The following CCNB3 variants were observed in gnomAD, a reference collection of about 807,000 sequenced individuals.
CCNB3 encodes G2/mitotic-specific cyclin-B3.
A neutral mutation model predicts 68.0 loss-of-function variants in CCNB3; 12 were observed. The ratio of observed to expected loss-of-function variants is 0.18; its 90% CI spans 0.11 to 0.29. The LOEUF is 0.29. CCNB3 is among the 10% of genes least tolerant of loss of function. The pLI is 1.00. For missense variants in CCNB3, 904 were observed against 993.1 expected (o/e 0.91, Z 1.21); for synonymous variants, 354 against 388.9 (o/e 0.91, Z 1.06).
At chrX:50,226,434 AAAATATATATAGAATATATAT>A (rs1410195953) in intron 1 of CCNB3, among the ~76,000 whole-genome samples, 594 of 24,862 alleles carry the variant, frequency 0.024, 2 homozygotes, top group Non-Finnish European at 0.031. Context: ...AGAATATATA[AAAATATATATAGAATATATAT>A]AAATATATAT....
chrX:50,225,776 T>A (rs1249487988), intron 1 of CCNB3, among the ~76,000 whole-genome samples: 1 of 107,405 alleles, frequency 9.3e-6, no homozygotes, highest in Admixed American at 1.0e-4. Flanking sequence ...AACGATCAGG[T>A]TTGGGGAGGG....
chrX:50,304,742 T>C (rs1173340667), intron 5 of CCNB3, among the ~76,000 whole-genome samples: 1 of 111,603 alleles, frequency 9.0e-6, no homozygotes, highest in South Asian at 3.8e-4. Flanking sequence ...AGAAAATTTT[T>C]GCAATCTACT....
chrX:50,332,736 G>A (rs1922658691), intron 8 of CCNB3, among the ~76,000 whole-genome samples: 1 of 111,614 alleles, frequency 9.0e-6, no homozygotes, highest in Non-Finnish European at 1.9e-5. Flanking sequence ...CACTGTGGCC[G>A]CAAAGGGGCT....
Position 50,288,975 on chromosome X carries a change from C to G in CCNB3, c.204+88C>G. 2 of 577,571 alleles carry G rather than the reference C, an allele frequency of 3.5e-6. 1 individual carries two copies. The allele number at this position is 577,571 out of a possible 1,213,427, so 47.6% of individuals were successfully genotyped here. Reference sequence around the variant, plus strand: ...GAGGGACCTTTCCACTTTACCAGACCCTCTCTGGAATCTTGACAGCAAATT... The same window carrying G: ...GAGGGACCTTTCCACTTTACCAGACGCTCTCTGGAATCTTGACAGCAAATT... On this transcript the variant is annotated intron_variant, in intron 4 of 12. Transcript: ENST00000376042.
chrX:50,346,631 T>G (rs190873384), intron 9 of CCNB3, 21 bp from the exon 10 acceptor site: 1 of 1,196,115 alleles, frequency 8.4e-7, no homozygotes, highest in Admixed American at 2.2e-5. Flanking sequence ...GGTTGTCACC[T>G]CCTCTCCTCT....
rs1557215023 is a variant in CCNB3, at chrX:50,311,507, C to A, written c.3327+11C>A. The A allele has an allele frequency of 1.4e-5, 16 of 1,119,198 alleles. No individual in the cohort carries two copies. The highest frequency in any genetic ancestry group is 1.8e-5 in the African/African-American group (1 of 55,385). The allele number at this position is 1,119,198 out of a possible 1,213,427, so 92.2% of individuals were successfully genotyped here. On this transcript the variant is annotated intron_variant, in intron 6 of 12. Coordinates refer to ENST00000376042, the MANE Select transcript of CCNB3 (RefSeq NM_033031.3). ...GGAACACCAAAGGAGGTATTCATCT[C>A]CCTTTCTTCTTAAATTAGATAAATT...
chrX:50,279,757 A>AAT lies in CCNB3; in HGVS notation c.-112-4778_-112-4777dup, dbSNP rs1198773173. Among the ~76,000 whole-genome samples, 582 of 89,169 alleles carry AAT rather than the reference A, an allele frequency of 6.5e-3. 5 individuals are homozygous for AAT. The highest frequency in any genetic ancestry group is 0.023 in the African/African-American group (568 of 24,289). 77.4% of individuals were successfully genotyped at this position (89,169 alleles called of 115,157 possible). On this transcript the variant is annotated intron_variant, in intron 1 of 12. Coordinates refer to ENST00000376042, the MANE Select transcript of CCNB3 (RefSeq NM_033031.3). ...ATGATTATGTATATTCATATATGTA[A>AAT]ATATATATGAATATGTATATTCATA...
chrX:50,332,389 A>G (rs1380072509), intron 8 of CCNB3, among the ~76,000 whole-genome samples: 1 of 111,812 alleles, frequency 8.9e-6, no homozygotes, highest in African/African-American at 3.3e-5. Context: ...TAGAACAGAA[A>G]GATTGTTTTA....
At position 50,207,412 on chromosome X, in the gene CCNB3, A is replaced by G. The variant is rs782262029; in HGVS notation, c.-113+2462A>G. 2.7e-5 allele frequency among the ~76,000 whole-genome samples: 3 copies of G among 112,283 alleles called. No homozygotes were observed. The South Asian group carries it at 1.1e-3, about 42-fold the overall frequency. On this transcript the variant is annotated intron_variant, in intron 1 of 12. Coordinates refer to ENST00000376042, the MANE Select transcript of CCNB3 (RefSeq NM_033031.3). The stretch of plus-strand genomic sequence containing the variant: ...TTCATTATGAGCTTTATCTTTCCAA[A>G]AACAGGACTTCTTGAAGAGAATGAC...
chrX:50,301,031 C>T (rs781997531), intron 5 of CCNB3, among the ~76,000 whole-genome samples: 117 of 110,647 alleles, frequency 1.1e-3, no homozygotes, highest in African/African-American at 3.7e-3. Flanking sequence ...GTTAGCCATT[C>T]GTCTATTTTT....
At chrX:50,306,009 A>G (rs1380617298) in intron 5 of CCNB3, among the ~76,000 whole-genome samples, 1 of 102,881 alleles carries the variant, frequency 9.7e-6, no homozygotes, top group Non-Finnish European at 2.0e-5. Flanking sequence ...CTGGTCTCGA[A>G]CTCCTGACCT....
At chrX:50,322,323 A>G (rs1557216672) in intron 8 of CCNB3, among the ~76,000 whole-genome samples, 1 of 111,201 alleles carries the variant, frequency 9.0e-6, no homozygotes, top group Admixed American at 9.6e-5. Context: ...CAATGGGGAA[A>G]GGATTCCCTA....
intron 4 of CCNB3, among the ~76,000 whole-genome samples, chrX:50,293,476 C>A (rs180759100): frequency 8.1e-5 from 9 of 110,968 alleles, no homozygotes; most frequent in Admixed American, 3.9e-4. Context: ...TATTTGAGAT[C>A]TTTCTAGCTT....
intron 1 of CCNB3, among the ~76,000 whole-genome samples, chrX:50,213,511 A>G (rs1453735976): frequency 1.8e-5 from 2 of 111,441 alleles, no homozygotes; most frequent in Non-Finnish European, 3.8e-5. Flanking sequence ...CATCACTGTA[A>G]AAGTGTTCTC....
rs1409129718 is a variant in CCNB3, at chrX:50,280,008, T to A, written c.-112-4534T>A. On this transcript the variant is annotated intron_variant, in intron 1 of 12. Transcript: ENST00000376042. ...AATATATGAATATATACATAGAATA[T>A]ATAAATATATAGAATATATATAAAT... Among the ~76,000 whole-genome samples, 170 of 84,322 alleles carry A rather than the reference T, an allele frequency of 2.0e-3. 1 individual carries two copies. The highest frequency in any genetic ancestry group is 3.3e-3 in the Non-Finnish European group (157 of 47,130). 73.2% of individuals were successfully genotyped at this position (84,322 alleles called of 115,157 possible). A position where few individuals can be genotyped will look rare whatever the true frequency, so the allele number is the denominator to read the frequency against.
At chrX:50,346,374 C>G (rs782493358) in intron 9 of CCNB3, among the ~76,000 whole-genome samples, 35 of 112,053 alleles carry the variant, frequency 3.1e-4, no homozygotes, top group Admixed American at 1.0e-3. Flanking sequence ...CCTGTGCCCC[C>G]ATTATGTTGC....
At chrX:50,305,865 C>T (rs1921041738) in intron 5 of CCNB3, among the ~76,000 whole-genome samples, 1 of 99,892 alleles carries the variant, frequency 1.0e-5, no homozygotes, top group Non-Finnish European at 2.0e-5. Flanking sequence ...TAACCTCCAC[C>T]TCCCAGGTTC....
At chrX:50,215,670 T>A (rs1027603200) in intron 1 of CCNB3, among the ~76,000 whole-genome samples, 4 of 111,065 alleles carry the variant, frequency 3.6e-5, no homozygotes, top group African/African-American at 1.3e-4. Flanking sequence ...CTTCGTGTAT[T>A]TTGCAGATCT....
chrX:50,292,240 TC>T (rs1205101451), intron 4 of CCNB3, among the ~76,000 whole-genome samples: 1 of 111,094 alleles, frequency 9.0e-6, no homozygotes, highest in Admixed American at 9.7e-5. Flanking sequence ...TAGCACGTTT[TC>T]CCCTCCAGTA....
Sources: gnomAD v4.1 joint callset for allele counts (sites outside exome capture counted in the v4.1 genomes callset) on GRCh38, gnomAD v4.1.1 for gene constraint, MANE v1.5 for transcripts, NCBI Gene and HGNC (gene_info 2026-07-23, HGNC 2026-07-21) for gene names.